Variants in DPP10 observed in about 807,000 individuals in gnomAD.
DPP10 encodes dipeptidyl peptidase like 10, also known as inactive dipeptidyl peptidase 10.
DPP10 carries 33 observed loss-of-function variants against 120.9 expected under a neutral mutation model. That is an observed-to-expected ratio of 0.27 (90% CI 0.21 to 0.37). DPP10 has a LOEUF of 0.37. DPP10 is among the 10% of genes least tolerant of loss of function. DPP10 has a pLI of 1.00. For synonymous variants in DPP10, 337 were observed against 326.1 expected (o/e 1.03, Z -0.36); for missense variants, 816 against 942.8 (o/e 0.87, Z 1.76).
chr2:115,799,741 A>G (rs1316605938), intron 19 of DPP10, among the ~76,000 whole-genome samples: 8 of 149,978 alleles, frequency 5.3e-5, no homozygotes, highest in Admixed American at 1.3e-4. Flanking sequence ...AGCTTCATCC[A>G]TGTCCCTACA....
chr2:114,694,270 T>A (rs1253012216), intron 1 of DPP10, among the ~76,000 whole-genome samples: 3 of 151,912 alleles, frequency 2.0e-5, no homozygotes, highest in Non-Finnish European at 4.4e-5. Context: ...GGTAAGACCT[T>A]AAGGAATTTT....
chr2:115,669,655 G>A (rs950618559), intron 5 of DPP10, among the ~76,000 whole-genome samples: 3 of 151,968 alleles, frequency 2.0e-5, no homozygotes, highest in Admixed American at 6.6e-5. Context: ...AATGTCCCAC[G>A]TCTTTCCAGA....
intron 1 of DPP10, among the ~76,000 whole-genome samples, chr2:114,910,825 AT>A (rs947562437): frequency 6.6e-6 from 1 of 152,016 alleles, no homozygotes; most frequent in African/African-American, 2.4e-5. Flanking sequence ...ATTTTGATAC[AT>A]TTTTTTCAAT....
chr2:114,480,451 C>T (rs144865087), intron 1 of DPP10, among the ~76,000 whole-genome samples: 1,559 of 152,084 alleles, frequency 0.01, 27 homozygotes, highest in African/African-American at 0.033. Flanking sequence ...GACTTGGAAC[C>T]GACCCAAATG....
chr2:114,773,385 T>C (rs1681443172), intron 1 of DPP10, among the ~76,000 whole-genome samples: 1 of 148,368 alleles, frequency 6.7e-6, no homozygotes. Context: ...AAATGAACAC[T>C]CATCACGGAC....
At chr2:115,115,882 T>G (rs1317233037) in intron 1 of DPP10, among the ~76,000 whole-genome samples, 3 of 152,088 alleles carry the variant, frequency 2.0e-5, no homozygotes, top group Non-Finnish European at 4.4e-5. Flanking sequence ...CTACACAGTA[T>G]TCAGGGATCG....
intron 21 of DPP10, among the ~76,000 whole-genome samples, chr2:115,834,714 G>C (rs956224992): frequency 1.3e-5 from 2 of 152,114 alleles, no homozygotes; most frequent in African/African-American, 4.8e-5. Context: ...TAGTTGTGTG[G>C]AATATAGAGA....
At chr2:114,474,503 T>C (rs959249279) in intron 1 of DPP10, among the ~76,000 whole-genome samples, 8 of 152,164 alleles carry the variant, frequency 5.3e-5, no homozygotes, top group Admixed American at 5.2e-4. Context: ...ATACCTACCA[T>C]GGTATCTTTC....
intron 1 of DPP10, among the ~76,000 whole-genome samples, chr2:114,565,981 A>G (rs1441470191): frequency 1.3e-5 from 2 of 152,220 alleles, no homozygotes; most frequent in African/African-American, 4.8e-5. Context: ...TGAACAAAAC[A>G]GATAAAAATA....
chr2:115,665,735 T>A (rs1316898935), intron 5 of DPP10, among the ~76,000 whole-genome samples: 1 of 152,162 alleles, frequency 6.6e-6, no homozygotes, highest in African/African-American at 2.4e-5. Context: ...TCCTAATACT[T>A]CTTCTCTTTG....
intron 5 of DPP10, among the ~76,000 whole-genome samples, chr2:115,556,687 A>G (rs1208844258): frequency 1.3e-5 from 2 of 152,082 alleles, no homozygotes; most frequent in East Asian, 1.9e-4. Context: ...ACCAATAACT[A>G]TTTCTATAAG....
intron 19 of DPP10, among the ~76,000 whole-genome samples, chr2:115,805,508 G>A (rs111911129): frequency 0.018 from 2,793 of 151,624 alleles, 83 homozygotes; most frequent in African/African-American, 0.062. Flanking sequence ...GAAATCACCC[G>A]TCTTCTGCGT....
chr2:114,801,267 A>AG (rs1684198181), intron 1 of DPP10, among the ~76,000 whole-genome samples: 1 of 96,322 alleles, frequency 1.0e-5, no homozygotes, highest in African/African-American at 3.5e-5. Flanking sequence ...TGTATCAAAA[A>AG]AAAAAAAAAA....
chr2:114,874,463 C>T (rs914834583), intron 1 of DPP10, among the ~76,000 whole-genome samples: 13 of 152,082 alleles, frequency 8.5e-5, no homozygotes, highest in East Asian at 7.8e-4. Flanking sequence ...AATGAGATTA[C>T]GGAGTAGACT....
chr2:115,237,129 A>G (rs1327403354), intron 1 of DPP10, among the ~76,000 whole-genome samples: 2 of 150,628 alleles, frequency 1.3e-5, no homozygotes, highest in African/African-American at 4.8e-5. Flanking sequence ...CTTTGCAGAC[A>G]ATGCATTTTT....
At chr2:115,407,724 C>T (rs1418371720) in intron 3 of DPP10, among the ~76,000 whole-genome samples, 1 of 152,042 alleles carries the variant, frequency 6.6e-6, no homozygotes, top group Non-Finnish European at 1.5e-5. Context: ...CTTCTGGGTC[C>T]CCTTCCCCTG....
At chr2:115,068,649 A>G (rs1246601627) in intron 1 of DPP10, among the ~76,000 whole-genome samples, 1 of 152,108 alleles carries the variant, frequency 6.6e-6, no homozygotes, top group Non-Finnish European at 1.5e-5. Flanking sequence ...GCCCAGACCA[A>G]TGTCAAAAGG....
chr2:115,705,410 C>T (rs568231284), intron 7 of DPP10, among the ~76,000 whole-genome samples: 1 of 152,028 alleles, frequency 6.6e-6, no homozygotes, highest in East Asian at 1.9e-4. Flanking sequence ...TATGCACACA[C>T]ACACATTCAC....
chr2:115,814,599 C>T, intron 19 of DPP10, 194 bp from the exon 20 acceptor site: 1 of 398,490 alleles, frequency 2.5e-6, no homozygotes. Context: ...TTTTCAATTA[C>T]AGTTTTACAA....
Sources: gnomAD v4.1 joint callset for allele counts (sites outside exome capture counted in the v4.1 genomes callset) on GRCh38, gnomAD v4.1.1 for gene constraint, MANE v1.5 for transcripts, NCBI Gene and HGNC (gene_info 2026-07-23, HGNC 2026-07-21) for gene names.